The following POLN variants were observed in gnomAD, a reference collection of about 807,000 sequenced individuals.
POLN encodes the protein DNA polymerase nu, also known as DNA polymerase N.
POLN carries 108 observed loss-of-function variants against 113.5 expected under a neutral mutation model. The observed-to-expected ratio is 0.95, with a 90% CI of 0.81 to 1.12. POLN has a LOEUF of 1.12. POLN is among the 50% of genes most tolerant of loss of function. The pLI, the probability that POLN is intolerant of heterozygous loss-of-function variation, is 0.00. For missense variants in POLN, 1,097 were observed against 1,077.1 expected (o/e 1.02, Z -0.26); for synonymous variants, 386 against 391.5 (o/e 0.99, Z 0.17).
chr4:2,098,906 G>A (rs1730858556), intron 19 of POLN, among the ~76,000 whole-genome samples: 1 of 106,640 alleles, frequency 9.4e-6, no homozygotes, highest in South Asian at 3.8e-4. Flanking sequence ...GTGTGCACAT[G>A]CACGTGCGTG....
intron 19 of POLN, among the ~76,000 whole-genome samples, chr4:2,116,868 C>T (rs1174409609): frequency 6.6e-6 from 1 of 152,216 alleles, no homozygotes; most frequent in African/African-American, 2.4e-5. Context: ...CTCTGCAACA[C>T]AAATCTGCTG....
rs935658215 is a variant in POLN, at chr4:2,127,673, C to T, written c.1982+440G>A. On this transcript the variant is annotated intron_variant, in intron 19 of 25. Coordinates refer to ENST00000511885, the MANE Select transcript of POLN (RefSeq NM_181808.4). The surrounding 1 kb of genome is among the most constrained non-coding windows in gnomAD (Gnocchi z 4.7). ...CCCGAGCCCATCTGCCTCTGGAATT[C>T]TCTGTGAGTGTAAGCCACTCAGGCA... Among the ~76,000 whole-genome samples the T allele has an allele frequency of 6.6e-6, 1 of 152,258 alleles. No individual in the cohort carries two copies. Among genetic ancestry groups the T allele is most frequent in the African/African-American group, 2.4e-5 (1 of 41,468 alleles).
At chr4:2,104,667 G>C (rs1731007777) in intron 19 of POLN, among the ~76,000 whole-genome samples, 1 of 152,184 alleles carries the variant, frequency 6.6e-6, no homozygotes, top group African/African-American at 2.4e-5. Context: ...GGCCTATGCT[G>C]TCTCTGCACC....
chr4:2,082,726 A>AG (rs1277297864), intron 21 of POLN: 2 of 152,254 alleles, frequency 1.3e-5, no homozygotes, highest in African/African-American at 4.8e-5. Context: ...ACTGGCAGTG[A>AG]GGACACGAGA....
intron 3 of POLN, among the ~76,000 whole-genome samples, chr4:2,220,406 T>TC (rs1472117273): frequency 6.6e-6 from 1 of 152,196 alleles, no homozygotes; most frequent in Non-Finnish European, 1.5e-5. Flanking sequence ...CTACTGAGTT[T>TC]CACAAGCACC....
intron 19 of POLN, among the ~76,000 whole-genome samples, chr4:2,098,707 G>A (rs1560988004): frequency 6.6e-6 from 1 of 152,214 alleles, no homozygotes; most frequent in Non-Finnish European, 1.5e-5. Flanking sequence ...TCTGTCAGCT[G>A]AGAGGGCCTA....
rs1734863037 is a variant in POLN, at chr4:2,238,845, G to A, written c.-13+2675C>T. 4 of 1,613,132 alleles carry A rather than the reference G, an allele frequency of 2.5e-6. No individual in the cohort carries two copies. The African/African-American group carries it at 5.3e-5, about 22-fold the overall frequency. ...ATTAATTGATTTAAAACTAACTCTT[G>A]TCTTGCTGTATAATAATCTTGTTTA... On this transcript the variant is annotated intron_variant, in intron 2 of 25. Coordinates refer to ENST00000511885, the MANE Select transcript of POLN (RefSeq NM_181808.4).
rs547343093 is a variant in POLN, at chr4:2,179,223, T to C, written c.1179+85A>G. Reference sequence around the variant, plus strand: ...TGAATGTTGACAATGTTCTTTTTACTATTAGGCTATCAATAAAATAGAAAA... The same window carrying C: ...TGAATGTTGACAATGTTCTTTTTACCATTAGGCTATCAATAAAATAGAAAA... On this transcript the variant is annotated intron_variant, in intron 8 of 25. Coordinates refer to ENST00000511885, the MANE Select transcript of POLN (RefSeq NM_181808.4). 129 of 1,262,776 alleles carry C rather than the reference T, an allele frequency of 1.0e-4. No individual in the cohort carries two copies. In the East Asian group the frequency reaches 3.0e-3, roughly 29 times the overall value. 78.2% of individuals were successfully genotyped at this position (1,262,776 alleles called of 1,614,324 possible).
intron 16 of POLN, among the ~76,000 whole-genome samples, chr4:2,147,643 C>G (rs13124494): frequency 2.5e-5 from 2 of 79,358 alleles, no homozygotes; most frequent in Non-Finnish European, 2.6e-5. Flanking sequence ...TTTTTCTTTT[C>G]TTTTTTTTTT....
chr4:2,144,963 G>A (rs534243198), intron 16 of POLN, among the ~76,000 whole-genome samples: 38 of 152,238 alleles, frequency 2.5e-4, no homozygotes, highest in African/African-American at 8.7e-4. Context: ...ATAGACCAAA[G>A]GCACAGAATT....
At chr4:2,161,674 AGG>A (rs1425661313) in intron 13 of POLN, among the ~76,000 whole-genome samples, 5 of 152,354 alleles carry the variant, frequency 3.3e-5, no homozygotes, top group Non-Finnish European at 7.3e-5. Context: ...CGGGACTGGC[AGG>A]CAGCTTCACC....
chr4:2,103,389 T>C (rs1337455733), intron 19 of POLN, among the ~76,000 whole-genome samples: 1 of 152,090 alleles, frequency 6.6e-6, no homozygotes, highest in Admixed American at 6.6e-5. Context: ...GCAGGTCTTT[T>C]GGAATCCACT....
chr4:2,174,810 T>C, intron 9 of POLN, 59 bp from the exon 10 acceptor site: 4 of 1,322,274 alleles, frequency 3.0e-6, no homozygotes, highest in Non-Finnish European at 4.2e-6. Flanking sequence ...ATCTGCATTT[T>C]GTTGAAAAGC....
chr4:2,130,639 G>A (rs1731704878), intron 17 of POLN, among the ~76,000 whole-genome samples: 1 of 152,152 alleles, frequency 6.6e-6, no homozygotes, highest in Middle Eastern at 3.2e-3. Context: ...AAGCACCAGT[G>A]CTATTATATG....
In POLN at chr4:2,179,344, C is replaced by T. The variant is rs868287954; in HGVS notation, c.1143G>A (p.Val381=). 1.2e-6 allele frequency: 2 copies of T among 1,613,320 alleles called. No homozygotes were observed. The highest frequency in any genetic ancestry group is 1.7e-6 in the Non-Finnish European group (2 of 1,179,432). ...TTGAGGAATTTCCATATGTGCTGTT[C>T]ACTTTAACTGTAATGGATTTTTCAC... ...KYCEKSITVK[V]NSTYGNSSRN... Residue 381 remains valine (V), a synonymous_variant, in exon 8 of 26, where the codon GTG becomes GTA. Coordinates refer to ENST00000511885, the MANE Select transcript of POLN (RefSeq NM_181808.4).
At chr4:2,100,596 G>C (rs953760983) in intron 19 of POLN, among the ~76,000 whole-genome samples, 2 of 152,172 alleles carry the variant, frequency 1.3e-5, no homozygotes, top group Admixed American at 1.3e-4. Flanking sequence ...GGGAGGACTG[G>C]GGGGTGAATA....
intron 7 of POLN, among the ~76,000 whole-genome samples, chr4:2,180,492 G>C (rs990010684): frequency 1.3e-5 from 2 of 152,122 alleles, no homozygotes; most frequent in African/African-American, 4.8e-5. Context: ...ACCAGTCTAA[G>C]AGATTTATAT....
At chr4:2,149,689 G>A (rs1235901342) in intron 16 of POLN, among the ~76,000 whole-genome samples, 3 of 152,196 alleles carry the variant, frequency 2.0e-5, no homozygotes, top group Admixed American at 6.5e-5. Context: ...TGAAGGATGA[G>A]GCAGAAGGAT....
intron 20 of POLN, among the ~76,000 whole-genome samples, chr4:2,088,047 T>C (rs1730589468): frequency 6.6e-6 from 1 of 152,200 alleles, no homozygotes; most frequent in South Asian, 2.1e-4. Context: ...GAAGTGTTTA[T>C]TTAGGACAAA....
Sources: allele counts gnomAD v4.1 joint callset (sites outside exome capture counted in the v4.1 genomes callset), GRCh38; gene constraint gnomAD v4.1.1; non-coding constraint Gnocchi (gnomAD v3.1); transcripts MANE v1.5; gene names NCBI Gene and HGNC (gene_info 2026-07-23, HGNC 2026-07-21).